The following NDUFAF5 variants were observed in gnomAD, a reference collection of about 807,000 sequenced individuals.
NDUFAF5 encodes arginine-hydroxylase NDUFAF5, mitochondrial.
A neutral mutation model predicts 48.9 loss-of-function variants in NDUFAF5; 34 were observed. The ratio of observed to expected loss-of-function variants is 0.70; its 90% CI spans 0.53 to 0.93. The LOEUF (loss-of-function observed/expected upper bound fraction) is 0.93. NDUFAF5 is among the 40% of genes least tolerant of loss of function. The pLI, the probability that NDUFAF5 is intolerant of heterozygous loss-of-function variation, is 0.00. For synonymous variants in NDUFAF5, 153 were observed against 150.6 expected, an observed-to-expected ratio of 1.02 and a Z score of -0.12; for missense variants, 428 against 427.5, an observed-to-expected ratio of 1.00 and a Z score of -0.01.
chr20:13,791,629 T>C (rs1982292248), intron 3 of NDUFAF5, among the ~76,000 whole-genome samples: 1 of 152,234 alleles, frequency 6.6e-6, no homozygotes, highest in Non-Finnish European at 1.5e-5. Flanking sequence ...AAAAATGTGC[T>C]GAAGCCAGTT....
rs138894844 is a variant in NDUFAF5 at position 13,792,051 on chromosome 20, C to T, written c.328-1129C>T. The stretch of plus-strand genomic sequence containing the variant: ...TCCCCAACCAAGAGCCAGCACACCA[C>T]TGCCTATACCCTGAAGTCTAAATGT... On this transcript the variant is annotated intron_variant, in intron 3 of 10. Coordinates refer to ENST00000378106, the MANE Select transcript of NDUFAF5 (RefSeq NM_024120.5). Among the ~76,000 whole-genome samples, 11 of 152,352 alleles carry T rather than the reference C, an allele frequency of 7.2e-5. No individual in the cohort carries two copies. In the East Asian group the frequency reaches 2.1e-3, roughly 29 times the overall value.
rs150075486 is a variant in NDUFAF5, at chr20:13,785,075, C to A, written c.7C>A (p.Arg3=). 9.6e-5 allele frequency: 155 copies of A among 1,611,222 alleles called. No homozygotes were observed. In the African/African-American group the frequency reaches 1.6e-3, roughly 17 times the overall value. The part of the protein sequence containing the change: ML[R]PAGLWRLCRR... ...ATTGGGGTCGCAGCTGGAGATGCTG[C>A]GGCCGGCAGGGCTCTGGCGCTTATG... The change falls in exon 1 of 11, where the codon CGG becomes AGG. Residue 3 remains arginine (R), a synonymous_variant. Transcript: ENST00000378106.
At chr20:13,797,756 G>A (rs1341885373) in intron 5 of NDUFAF5, among the ~76,000 whole-genome samples, 1 of 152,152 alleles carries the variant, frequency 6.6e-6, no homozygotes, top group Non-Finnish European at 1.5e-5. Flanking sequence ...TCACTTATCA[G>A]TATAGCTTCA....
Position 13,818,361 on chromosome 20 carries a change from G to A in NDUFAF5, c.*1151G>A, listed in dbSNP as rs1290645103. ...TCAGTTTGAAAAATCATCGATATTT[G>A]AAACTGGGATACGCTTGGTAGCTTT... On this transcript the variant is annotated 3_prime_UTR_variant, in exon 11 of 11. Transcript: ENST00000378106. 5.2e-6 allele frequency: 2 copies of A among 383,100 alleles called. No individual in the cohort carries two copies. The highest frequency in any genetic ancestry group is 2.1e-5 in the African/African-American group (1 of 47,602). The allele number at this position is 383,100 out of a possible 1,614,324, so 23.7% of individuals were successfully genotyped here.
In NDUFAF5 at chr20:13,812,566, C is replaced by T. The variant is rs138974034; in HGVS notation, c.778+3664C>T. ...GAGAAACATACTAGAAATTAGACCT[C>T]TCTGTTGGAAAAAGTTACTTCCCAC... is the stretch of plus-strand genomic sequence containing the variant. On this transcript the variant is annotated intron_variant, in intron 8 of 10. Coordinates refer to ENST00000378106, the MANE Select transcript of NDUFAF5 (RefSeq NM_024120.5). Among the ~76,000 whole-genome samples the T allele has an allele frequency of 1.4e-3, 213 of 152,306 alleles. 1 individual carries two copies. The Middle Eastern group carries it at 0.017, about 12-fold the overall frequency.
intron 8 of NDUFAF5, among the ~76,000 whole-genome samples, chr20:13,815,880 A>C (rs1377433815): frequency 6.6e-6 from 1 of 152,224 alleles, no homozygotes; most frequent in African/African-American, 2.4e-5. Context: ...AGGAAGTCTA[A>C]ATATTTTAAA....
chr20:13,797,959 TCA>T (rs1192912844), intron 5 of NDUFAF5, among the ~76,000 whole-genome samples: 1 of 152,364 alleles, frequency 6.6e-6, no homozygotes, highest in African/African-American at 2.4e-5. Flanking sequence ...ATTGGAAAAC[TCA>T]CAGATTCAAA....
Position 13,794,931 on chromosome 20 carries a change from A to C in NDUFAF5, c.469A>C (p.Ser157Arg). 6.2e-7 allele frequency: 1 copy of C among 1,605,850 alleles called. No homozygotes were observed. Among genetic ancestry groups the C allele is most frequent in the Non-Finnish European group, 8.5e-7 (1 of 1,172,516 alleles). The change falls in exon 5 of 11, where the codon AGC becomes CGC. Residue 157 changes from serine to arginine, a missense_variant. By Grantham distance (110) the Ser-to-Arg change is moderately radical (BLOSUM62 -1). Coordinates refer to ENST00000378106, the MANE Select transcript of NDUFAF5 (RefSeq NM_024120.5). ...FKENTFDLVV[S>R]SLSLHWVNDL... is the part of the protein sequence containing the mutation. Reference sequence around the variant, plus strand: ...AGAAAATACATTTGACCTGGTGGTTAGCAGTTTAAGGTTGGTAATCCACTT... The same window carrying C: ...AGAAAATACATTTGACCTGGTGGTTCGCAGTTTAAGGTTGGTAATCCACTT...
chr20:13,800,632 A>T (rs954815800), intron 6 of NDUFAF5, among the ~76,000 whole-genome samples: 1 of 152,250 alleles, frequency 6.6e-6, no homozygotes, highest in Admixed American at 6.5e-5. Context: ...GAAAGGTAAT[A>T]TGTTACTAGG....
chr20:13,815,426 G>T (rs574073546), intron 8 of NDUFAF5, among the ~76,000 whole-genome samples: 13 of 152,312 alleles, frequency 8.5e-5, no homozygotes, highest in African/African-American at 3.1e-4. Flanking sequence ...CTGTCAATCT[G>T]CATGAATTGG....
At chr20:13,805,262 T>C (rs569082430) in intron 7 of NDUFAF5, among the ~76,000 whole-genome samples, 6 of 152,304 alleles carry the variant, frequency 3.9e-5, no homozygotes, top group African/African-American at 1.4e-4. Flanking sequence ...TCAAAAGTTA[T>C]TGCCCATTAC....
At chr20:13,785,887 T>G (rs1185892252) in intron 1 of NDUFAF5, among the ~76,000 whole-genome samples, 1 of 152,186 alleles carries the variant, frequency 6.6e-6, no homozygotes, top group Non-Finnish European at 1.5e-5. Flanking sequence ...TTTCTCTCGT[T>G]TTTACTTTTT....
rs191619142 is a variant in NDUFAF5 at position 13,796,805 on chromosome 20, C to T, written c.480-1656C>T. 2.1e-3 allele frequency among the ~76,000 whole-genome samples: 326 copies of T among 152,270 alleles called. 1 individual carries two copies. Among genetic ancestry groups the T allele is most frequent in the African/African-American group, 6.7e-3 (278 of 41,558 alleles). On this transcript the variant is annotated intron_variant, in intron 5 of 10. Transcript: ENST00000378106. Reference sequence around the variant, plus strand: ...ACCAACCTGGGCTACGTGGTGAAACCCTGTCTTTACTAAAAATACAAAAAT... The same window carrying T: ...ACCAACCTGGGCTACGTGGTGAAACTCTGTCTTTACTAAAAATACAAAAAT...
At chr20:13,815,293 G>A (rs554279871) in intron 8 of NDUFAF5, among the ~76,000 whole-genome samples, 20 of 152,236 alleles carry the variant, frequency 1.3e-4, no homozygotes, top group African/African-American at 4.3e-4. Flanking sequence ...AAGCCTTTAC[G>A]GAGCATCTAG....
At chr20:13,789,623 C>T (rs992682708) in intron 3 of NDUFAF5, among the ~76,000 whole-genome samples, 12 of 151,898 alleles carry the variant, frequency 7.9e-5, no homozygotes, top group African/African-American at 2.9e-4. Flanking sequence ...CTACAGGTGC[C>T]CGCCACCACG....
rs1359975802 is a variant in NDUFAF5, at chr20:13,821,391, C to T, written c.*4181C>T. On this transcript the variant is annotated 3_prime_UTR_variant, in exon 11 of 11. Transcript: ENST00000378106. ...AAGACCTAGAAGTGAGGAGCAGAGG[C>T]CTCCAGCCAAAAGCCATGTGAGGGA... 1 of 152,288 alleles carries T rather than the reference C, an allele frequency of 6.6e-6. No individual in the cohort carries two copies. The highest frequency in any genetic ancestry group is 2.4e-5 in the African/African-American group (1 of 41,452). 9.4% of individuals were successfully genotyped at this position (152,288 alleles called of 1,614,324 possible).
intron 2 of NDUFAF5, among the ~76,000 whole-genome samples, chr20:13,787,684 T>C (rs8124299): frequency 0.036 from 5,415 of 152,254 alleles, 134 homozygotes; most frequent in African/African-American, 0.068. Flanking sequence ...CCGAAGCCTC[T>C]GTACCTAACT....
chr20:13,807,798 A>G (rs1985271693), intron 7 of NDUFAF5, among the ~76,000 whole-genome samples: 1 of 151,764 alleles, frequency 6.6e-6, no homozygotes, highest in South Asian at 2.1e-4. Context: ...AAAAAAAAAA[A>G]ATTAGCTGGG....
chr20:13,801,181 TTC>T (rs1491025378), intron 6 of NDUFAF5, among the ~76,000 whole-genome samples: 1 of 152,198 alleles, frequency 6.6e-6, no homozygotes, highest in Admixed American at 6.5e-5. Context: ...AAATTTTTTT[TTC>T]TCTTTCAGCA....
Sources: gnomAD v4.1 joint callset for allele counts (sites outside exome capture counted in the v4.1 genomes callset) on GRCh38, gnomAD v4.1.1 for gene constraint, MANE v1.5 for transcripts, NCBI Gene and HGNC (gene_info 2026-07-23, HGNC 2026-07-21) for gene names.